SCP2: variants seen among roughly 807,000 people sequenced by gnomAD.
SCP2 encodes the protein sterol carrier protein 2.
In SCP2, 48 loss-of-function variants were observed where a neutral mutation model predicts 71.4. The observed-to-expected ratio is 0.67, with a 90% CI of 0.53 to 0.86. The LOEUF is 0.86. Ranked by LOEUF, SCP2 falls within the 40% of genes least tolerant of loss-of-function variation. The pLI, the probability that SCP2 is intolerant of heterozygous loss-of-function variation, is 0.00. For synonymous variants in SCP2, 220 were observed against 218.1 expected, an observed-to-expected ratio of 1.01 and a Z score of -0.08; for missense variants, 560 against 655.6, an observed-to-expected ratio of 0.85 and a Z score of 1.59.
At chr1:53,027,863 C>A in intron 12 of SCP2, 106 bp from the exon 13 acceptor site, 3 of 678,442 alleles carry the variant, frequency 4.4e-6, no homozygotes, top group Non-Finnish European at 8.0e-6. Context: ...TTTGCAACAT[C>A]TCTGTTCTTA....
chr1:52,996,238 G>C (rs1173584881), intron 11 of SCP2, among the ~76,000 whole-genome samples: 1 of 152,178 alleles, frequency 6.6e-6, no homozygotes, highest in Non-Finnish European at 1.5e-5. Flanking sequence ...CTGCCACTCT[G>C]GGTGACCCTG....
chr1:52,974,323 A>G (rs549969863), intron 6 of SCP2, among the ~76,000 whole-genome samples: 1 of 152,272 alleles, frequency 6.6e-6, no homozygotes, highest in Non-Finnish European at 1.5e-5. Context: ...TAACTCTTCT[A>G]AAAACTTTTC....
intron 1 of SCP2, 51 bp from the exon 2 acceptor site, chr1:52,941,745 A>G (rs1654269594): frequency 7.4e-7 from 1 of 1,343,172 alleles, no homozygotes; most frequent in Admixed American, 1.7e-5. Flanking sequence ...AAAAAAAAAA[A>G]AAAATGTAAC....
At chr1:53,030,728 C>G (rs1467401875) in intron 13 of SCP2, among the ~76,000 whole-genome samples, 1 of 151,686 alleles carries the variant, frequency 6.6e-6, no homozygotes, top group East Asian at 1.9e-4. Context: ...CCTGTCTCTA[C>G]TAAAAATATA....
intron 2 of SCP2, chr1:52,943,539 C>T (rs899052447): frequency 3.8e-5 from 10 of 264,488 alleles, no homozygotes; most frequent in Non-Finnish European, 7.5e-5. Context: ...GGTTCTTAAG[C>T]ACATTCTCTG....
intron 11 of SCP2, among the ~76,000 whole-genome samples, chr1:52,998,460 A>G (rs1251415685): frequency 6.6e-6 from 1 of 151,884 alleles, no homozygotes; most frequent in Non-Finnish European, 1.5e-5. Context: ...ACTGGGAGCA[A>G]TAGCATGCAC....
chr1:52,993,500 A>G (rs1659687591), intron 11 of SCP2: 1 of 1,612,764 alleles, frequency 6.2e-7, no homozygotes. Context: ...AAACTTATAG[A>G]TTTCTTCAAA....
At chr1:52,997,449 G>A (rs1026518021) in intron 11 of SCP2, among the ~76,000 whole-genome samples, 7 of 152,120 alleles carry the variant, frequency 4.6e-5, no homozygotes, top group African/African-American at 7.2e-5. Context: ...CACTGTGTCC[G>A]GCCAAAATGT....
intron 2 of SCP2, among the ~76,000 whole-genome samples, chr1:52,947,340 G>A (rs908076382): frequency 3.4e-5 from 5 of 146,752 alleles, no homozygotes; most frequent in African/African-American, 7.6e-5. Flanking sequence ...TTTTGCTTTC[G>A]TTCTTCTGGT....
At chr1:52,999,337 T>A (rs1660154457) in intron 11 of SCP2, among the ~76,000 whole-genome samples, 1 of 152,190 alleles carries the variant, frequency 6.6e-6, no homozygotes, top group Admixed American at 6.5e-5. Flanking sequence ...CAAACTGCAA[T>A]AGAATTCTAA....
chr1:52,955,973 G>GA lies in SCP2; in HGVS notation c.396+1180dup, dbSNP rs59457114. On this transcript the variant is annotated intron_variant, in intron 5 of 15. Coordinates refer to ENST00000371514, the MANE Select transcript of SCP2 (RefSeq NM_002979.5). ...TTACAAAAAAGAACATTATTGGCAT[G>GA]AAAAAAAAAAACTAAACAGAATTTA... Among the ~76,000 whole-genome samples, 211 of 140,450 alleles carry GA rather than the reference G, an allele frequency of 1.5e-3. 2 individuals are homozygous for GA. The highest frequency in any genetic ancestry group is 6.9e-3 in the East Asian group (34 of 4,962). 92.1% of individuals were successfully genotyped at this position (140,450 alleles called of 152,430 possible). A position where few individuals can be genotyped will look rare whatever the true frequency, so the allele number is the denominator to read the frequency against.
intron 4 of SCP2, 21 bp downstream of exon 4, chr1:52,950,907 G>A (rs200820841): frequency 1.9e-6 from 3 of 1,611,364 alleles, no homozygotes; most frequent in Admixed American, 3.3e-5. Context: ...CTTGTCTAGT[G>A]TACTTAAATA....
intron 5 of SCP2, 145 bp downstream of exon 5, chr1:52,954,949 A>C (rs571356866): frequency 1.3e-4 from 94 of 719,906 alleles, no homozygotes; most frequent in Non-Finnish European, 2.0e-4. Flanking sequence ...TTATTTTGCC[A>C]ATGATGAAAC....
At chr1:52,935,587 C>CAA (rs35419796) in intron 1 of SCP2, among the ~76,000 whole-genome samples, 3,224 of 108,520 alleles carry the variant, frequency 0.03, 64 homozygotes, top group Middle Eastern at 0.058. Flanking sequence ...GAGACTCAGT[C>CAA]AAAAAAAAAA....
chr1:53,031,873 G>T (rs1391838293), intron 13 of SCP2, among the ~76,000 whole-genome samples: 1 of 152,216 alleles, frequency 6.6e-6, no homozygotes, highest in African/African-American at 2.4e-5. Flanking sequence ...TTCTCTTCAA[G>T]TATGCAGGTA....
intron 6 of SCP2, among the ~76,000 whole-genome samples, chr1:52,966,985 C>T (rs529507309): frequency 2.0e-5 from 3 of 151,846 alleles, no homozygotes; most frequent in African/African-American, 7.3e-5. Context: ...GTCAGGAGTT[C>T]GAGATCAGCC....
chr1:53,030,761 G>T (rs1025944856), intron 13 of SCP2, among the ~76,000 whole-genome samples: 1 of 151,840 alleles, frequency 6.6e-6, no homozygotes, highest in African/African-American at 2.4e-5. Flanking sequence ...GCATGATGGC[G>T]CAGTCCCAGA....
At chr1:52,933,857 A>G (rs1391267969) in intron 1 of SCP2, among the ~76,000 whole-genome samples, 1 of 152,214 alleles carries the variant, frequency 6.6e-6, no homozygotes, top group Non-Finnish European at 1.5e-5. Flanking sequence ...GTATGTTGAC[A>G]TTTACACTGA....
At chr1:52,994,902 T>A in intron 11 of SCP2, 1 of 514,962 alleles carries the variant, frequency 1.9e-6, no homozygotes, top group South Asian at 1.6e-5. Context: ...ATGGCAAATA[T>A]GTTCCTTGTG....
Sources: allele counts gnomAD v4.1 joint callset (sites outside exome capture counted in the v4.1 genomes callset), GRCh38; gene constraint gnomAD v4.1.1; transcripts MANE v1.5; gene names NCBI Gene and HGNC (gene_info 2026-07-23, HGNC 2026-07-21).